Variants in KCNH6 observed in about 807,000 individuals in gnomAD.
KCNH6 encodes potassium voltage-gated channel subfamily H member 6.
KCNH6 carries 81 observed loss-of-function variants against 83.4 expected under a neutral mutation model. That is an observed-to-expected ratio of 0.97 (90% CI 0.81 to 1.17). The LOEUF (loss-of-function observed/expected upper bound fraction) is 1.17. Ranked by LOEUF, KCNH6 falls within the 50% of genes most tolerant of loss-of-function variation. KCNH6 has a pLI of 0.00. For missense variants in KCNH6, 1,203 were observed against 1,290.5 expected (o/e 0.93, Z 1.04); for synonymous variants, 503 against 545.6 (o/e 0.92, Z 1.09).
intron 2 of KCNH6, among the ~76,000 whole-genome samples, chr17:63,529,829 C>A (rs1386720492): frequency 6.6e-6 from 1 of 152,210 alleles, no homozygotes; most frequent in Non-Finnish European, 1.5e-5. Flanking sequence ...GAGCTGATGG[C>A]CGAGCGTGGA....
chr17:63,546,060 C>G lies in KCNH6; in HGVS notation c.*158C>G. ...CCATCCTGGCTAACACGGTGAAACCCCACCTCTACTAAAATTAAAAAAGAA... is the reference window on the plus strand; with the variant it reads ...CCATCCTGGCTAACACGGTGAAACCGCACCTCTACTAAAATTAAAAAAGAA... On this transcript the variant is annotated 3_prime_UTR_variant, in exon 13 of 13. Transcript: ENST00000314672. The G allele has an allele frequency of 1.6e-6, 1 of 614,898 alleles. No individual in the cohort carries two copies. Among genetic ancestry groups the G allele is most frequent in the Non-Finnish European group, 2.8e-6 (1 of 359,344 alleles). 38.1% of individuals were successfully genotyped at this position (614,898 alleles called of 1,614,324 possible). A position where few individuals can be genotyped will look rare whatever the true frequency, so the allele number is the denominator to read the frequency against.
In KCNH6 at chr17:63,534,805, G is replaced by A. The variant is rs2032376911; in HGVS notation, c.1101+494G>A. Among the ~76,000 whole-genome samples the A allele has an allele frequency of 6.6e-6, 1 of 152,026 alleles. No homozygotes were observed. The highest frequency in any genetic ancestry group is 2.4e-5 in the African/African-American group (1 of 41,370). ...CTCTTGCCCCCTCTCCTCACGATCA[G>A]CTTTTCACTGAAATCAACTCTGCCT... On this transcript the variant is annotated intron_variant, in intron 5 of 12. Transcript: ENST00000314672. This position sits in a 1 kb window ranked among gnomAD's most constrained non-coding sequence, Gnocchi z 5.0.
rs1366732218 is a variant in KCNH6, at chr17:63,534,400, G to C, written c.1101+89G>C. 11 of 1,337,216 alleles carry C rather than the reference G, an allele frequency of 8.2e-6. No homozygotes were observed. The highest frequency in any genetic ancestry group is 1.1e-5 in the Non-Finnish European group (11 of 976,044). The allele number at this position is 1,337,216 out of a possible 1,614,324, so 82.8% of individuals were successfully genotyped here. A position where few individuals can be genotyped will look rare whatever the true frequency, so the allele number is the denominator to read the frequency against. ...CCTGCTGCACAGCACTGGGTGCGGAGAGTATCTGGCACTGGGCACCTTTGC... is the reference window on the plus strand; with the variant it reads ...CCTGCTGCACAGCACTGGGTGCGGACAGTATCTGGCACTGGGCACCTTTGC... On this transcript the variant is annotated intron_variant, in intron 5 of 12. Transcript: ENST00000314672. This position sits in a 1 kb window ranked among gnomAD's most constrained non-coding sequence, Gnocchi z 5.0.
rs772259071 is a variant in KCNH6 at position 63,533,960 on chromosome 17, G to T, written c.750G>T (p.Leu250=). ...CGCGCATCCACCGCTGGACCATCCT[G>T]CACTACAGCCCCTTCAAGGCCGTGT... is the stretch of plus-strand genomic sequence containing the variant. ...QAPRIHRWTI[L]HYSPFKAVWD... The change falls in exon 5 of 13, where the codon CTG becomes CTT. Residue 250 remains leucine (L), a synonymous_variant. Coordinates refer to ENST00000314672, the MANE Select transcript of KCNH6 (RefSeq NM_001278919.2). The surrounding 1 kb of genome is among the most constrained non-coding windows in gnomAD (Gnocchi z 4.1). The T allele has an allele frequency of 3.1e-6, 5 of 1,614,006 alleles. No individual in the cohort carries two copies. Among genetic ancestry groups the T allele is most frequent in the Non-Finnish European group, 4.2e-6 (5 of 1,180,014 alleles).
intron 8 of KCNH6, among the ~76,000 whole-genome samples, chr17:63,540,438 A>C (rs2147714071): frequency 6.6e-6 from 1 of 152,280 alleles, no homozygotes; most frequent in South Asian, 2.1e-4. Flanking sequence ...TCTTTAAAAA[A>C]AAAAAGTGCC....
At position 63,538,670 on chromosome 17, in the gene KCNH6, C is replaced by G; in HGVS notation, c.1954+8C>G. The G allele has an allele frequency of 6.4e-7, 1 of 1,571,508 alleles. No individual in the cohort carries two copies. The highest frequency in any genetic ancestry group is 8.7e-7 in the Non-Finnish European group (1 of 1,154,708). On this transcript the variant is annotated splice_region_variant and intron_variant, in intron 8 of 12. Transcript: ENST00000314672. This position sits in a 1 kb window ranked among gnomAD's most constrained non-coding sequence, Gnocchi z 4.0. ...TGGTCGTGGCCATCCTAGGTGGGTC[C>G]GGCGGAGTGGACCAGGCCTGTGTTG...
At chr17:63,547,034 A>G (rs2033162219), downstream of KCNH6, among the ~76,000 whole-genome samples, 1 of 152,058 alleles carries the variant, frequency 6.6e-6, no homozygotes, top group African/African-American at 2.4e-5. Flanking sequence ...AATCCTCAAA[A>G]CAACCCCAAC....
intron 4 of KCNH6, among the ~76,000 whole-genome samples, chr17:63,532,061 G>T (rs1024944539): frequency 6.6e-6 from 1 of 152,216 alleles, no homozygotes; most frequent in African/African-American, 2.4e-5. Context: ...GGGGACACTG[G>T]GCAGGGTGGG....
chr17:63,532,300 T>C (rs2032174278), intron 4 of KCNH6, among the ~76,000 whole-genome samples: 1 of 152,198 alleles, frequency 6.6e-6, no homozygotes, highest in Non-Finnish European at 1.5e-5. Flanking sequence ...GGAGCAGCTC[T>C]GATGCCCAGG....
In KCNH6 at chr17:63,546,107, G is replaced by A. The variant is rs2033135964; in HGVS notation, c.*205G>A. On this transcript the variant is annotated 3_prime_UTR_variant, in exon 13 of 13. Transcript: ENST00000314672. ...AGAAAAAAAATAGCCGGGCGTGGTG[G>A]CAGGCGCCTGTAATCCCAGCTACTG... is the stretch of plus-strand genomic sequence containing the variant. The A allele has an allele frequency of 1.9e-6, 1 of 516,930 alleles. No homozygotes were observed. Among genetic ancestry groups the A allele is most frequent in the African/African-American group, 1.9e-5 (1 of 52,474 alleles). 32.0% of individuals were successfully genotyped at this position (516,930 alleles called of 1,614,324 possible).
chr17:63,534,132 G>A lies in KCNH6; in HGVS notation c.922G>A (p.Asp308Asn), dbSNP rs1338842854. 2.5e-6 allele frequency: 4 copies of A among 1,613,006 alleles called. No homozygotes were observed. Among genetic ancestry groups the A allele is most frequent in the Non-Finnish European group, 1.7e-6 (2 of 1,179,798 alleles). Residue 308 changes from aspartate to asparagine, a missense_variant, in exon 5 of 13, where the codon GAC (aspartate) becomes AAC (asparagine). By Grantham distance (23) the Asp-to-Asn change is conservative. Coordinates refer to ENST00000314672, the MANE Select transcript of KCNH6 (RefSeq NM_001278919.2). The surrounding 1 kb of genome is among the most constrained non-coding windows in gnomAD (Gnocchi z 5.0). ...CCTCACTGTGGTGGATCTCATCGTGGACATCATGTTCGTCGTGGACATCGT... is the reference window on the plus strand; with the variant it reads ...CCTCACTGTGGTGGATCTCATCGTGAACATCATGTTCGTCGTGGACATCGT... Reference protein sequence around the residue: ...SPLTVVDLIVDIMFVVDIVIN... With the variant: ...SPLTVVDLIVNIMFVVDIVIN...
At chr17:63,531,972 C>A (rs1416388945) in intron 4 of KCNH6, among the ~76,000 whole-genome samples, 1 of 152,220 alleles carries the variant, frequency 6.6e-6, no homozygotes, top group Non-Finnish European at 1.5e-5. Flanking sequence ...GTCACATCGG[C>A]CTCAACCAGA....
At position 63,545,797 on chromosome 17, in the gene KCNH6, TC is replaced by T. The variant is rs776734233; in HGVS notation, c.2775del (p.Cys926AlafsTer82). On this transcript the variant is annotated frameshift_variant, in exon 13 of 13. Transcript: ENST00000314672. LOFTEE classifies it high-confidence loss of function. ...PLEVQGLICGPCFSSLPEHLG... is the reference protein window; with the variant it reads ...PLEVQGLICGXCFSSLPEHLG... ...TGGAAGTACAAGGACTCATCTGTGG[TC>T]CCTGCTTCTCCTCCCTCCCTGAACA... The T allele has an allele frequency of 3.7e-6, 6 of 1,614,136 alleles. No homozygotes were observed. The South Asian group carries it at 6.6e-5, about 18-fold the overall frequency.
At chr17:63,524,433 G>A in intron 2 of KCNH6, 64 bp downstream of exon 2, 3 of 1,448,822 alleles carry the variant, frequency 2.1e-6, no homozygotes, top group South Asian at 2.3e-5. Context: ...GTCCAGCCAG[G>A]GTGGCCTTGG....
At chr17:63,541,363 C>T (rs1025330177) in intron 8 of KCNH6, among the ~76,000 whole-genome samples, 3 of 150,858 alleles carry the variant, frequency 2.0e-5, no homozygotes, top group Admixed American at 6.6e-5. Context: ...ATCTCAGCTC[C>T]CTGCAAACTC....
intron 8 of KCNH6, among the ~76,000 whole-genome samples, chr17:63,540,206 G>C (rs926646557): frequency 2.6e-5 from 4 of 152,058 alleles, no homozygotes; most frequent in Admixed American, 2.0e-4. Flanking sequence ...AGGCCGAGGT[G>C]GGTGATCACA....
rs762868334 is a variant in KCNH6 at position 63,530,233 on chromosome 17, C to T, written c.450C>T (p.Ser150=). ...SSRSLSQRLL[S]QSFLGSEGSH... is the part of the protein sequence containing the mutation. Reference sequence around the variant, plus strand: ...GCAGCTTGTCCCAGCGCCTGTTGTCCCAGAGCTTCCTGGGCTCCGGTGAGG... The same window carrying T: ...GCAGCTTGTCCCAGCGCCTGTTGTCTCAGAGCTTCCTGGGCTCCGGTGAGG... The change falls in exon 3 of 13, where the codon TCC becomes TCT. Residue 150 remains serine (S), a synonymous_variant. Transcript: ENST00000314672. 2 of 1,614,094 alleles carry T rather than the reference C, an allele frequency of 1.2e-6. No homozygotes were observed. The highest frequency in any genetic ancestry group is 1.7e-6 in the Non-Finnish European group (2 of 1,179,966).
In KCNH6 at chr17:63,533,009, G is replaced by A. The variant is rs1849290189; in HGVS notation, c.676-877G>A. Among the ~76,000 whole-genome samples, 1 of 152,190 alleles carries A rather than the reference G, an allele frequency of 6.6e-6. No homozygotes were observed. Among genetic ancestry groups the A allele is most frequent in the Admixed American group, 6.5e-5 (1 of 15,284 alleles). On this transcript the variant is annotated intron_variant, in intron 4 of 12. Transcript: ENST00000314672. The surrounding 1 kb of genome is among the most constrained non-coding windows in gnomAD (Gnocchi z 4.1). The stretch of plus-strand genomic sequence containing the variant: ...GCAGATGAGGGAACTGAGGCTCACA[G>A]AGGTTACAAAACTTGCCCAAGGCTC...
rs762042525 is a variant in KCNH6, at chr17:63,534,309, G to T, written c.1099G>T (p.Glu367Ter). 6.2e-7 allele frequency: 1 copy of T among 1,607,710 alleles called. No individual in the cohort carries two copies. Among genetic ancestry groups the T allele is most frequent in the South Asian group, 1.1e-5 (1 of 90,048 alleles). ...DLLIFRTGSD[E>*]TTTLIGLLKT... ...CCTGATCTTCCGCACTGGCTCCGAT[G>T]AGGTGAGCAGACCCCCTCCAGGCCA... The change falls in exon 5 of 13, where the codon GAG becomes TAG. Residue 367 changes from glutamate to a stop codon, truncating the protein, a stop_gained and splice_region_variant. Coordinates refer to ENST00000314672, the MANE Select transcript of KCNH6 (RefSeq NM_001278919.2). LOFTEE classifies it high-confidence loss of function. The surrounding 1 kb of genome is among the most constrained non-coding windows in gnomAD (Gnocchi z 5.0).
Sources: allele counts gnomAD v4.1 joint callset (sites outside exome capture counted in the v4.1 genomes callset), GRCh38; gene constraint gnomAD v4.1.1; non-coding constraint Gnocchi (gnomAD v3.1); transcripts MANE v1.5; gene names NCBI Gene and HGNC (gene_info 2026-07-23, HGNC 2026-07-21).